CEMIP: variants seen among roughly 807,000 people sequenced by gnomAD.
CEMIP encodes cell migration inducing hyaluronidase 1, also known as cell migration-inducing and hyaluronan-binding protein.
In CEMIP, 105 loss-of-function variants were observed where a neutral mutation model predicts 156.9. The observed-to-expected ratio is 0.67, with a 90% CI of 0.57 to 0.79. The LOEUF is 0.79. Among genes scored for constraint, CEMIP ranks in the 30% least tolerant of loss-of-function variants. The pLI is 0.00. For synonymous variants in CEMIP, 676 were observed against 668.4 expected (o/e 1.01, Z -0.17); for missense variants, 1,457 against 1,769.4 (o/e 0.82, Z 3.17).
In CEMIP at chr15:80,906,659, C is replaced by G; in HGVS notation, c.1412-4C>G. On this transcript the variant is annotated splice_polypyrimidine_tract_variant and splice_region_variant and intron_variant, in intron 12 of 29. Coordinates refer to ENST00000394685, the MANE Select transcript of CEMIP (RefSeq NM_001293298.2). The surrounding 1 kb of genome is among the most constrained non-coding windows in gnomAD (Gnocchi z 4.3). ...TTGTTTACCGTCCTCCCTTTCTGCC[C>G]TAGGGAAACCAATGTACCTGCACAT... The G allele has an allele frequency of 2.5e-6, 4 of 1,611,900 alleles. No homozygotes were observed. The highest frequency in any genetic ancestry group is 2.7e-5 in the African/African-American group (2 of 75,000).
chr15:80,780,915 G>A (rs2141550257), intron 1 of CEMIP, among the ~76,000 whole-genome samples: 2 of 152,340 alleles, frequency 1.3e-5, no homozygotes, highest in Middle Eastern at 3.4e-3. Context: ...GTCCGCTGGG[G>A]CCCTCGGTAT....
rs1450887814 is a variant in CEMIP, at chr15:80,894,977, G to A, written c.1087-13G>A. 5 of 1,613,480 alleles carry A rather than the reference G, an allele frequency of 3.1e-6. No individual in the cohort carries two copies. The African/African-American group carries it at 5.3e-5, about 17-fold the overall frequency. Reference sequence around the variant, plus strand: ...AAAACGACTTTGCTCTGTAATTTCTGTGTCATTCCCAGGCCACTACAATGG... The same window carrying A: ...AAAACGACTTTGCTCTGTAATTTCTATGTCATTCCCAGGCCACTACAATGG... On this transcript the variant is annotated splice_polypyrimidine_tract_variant and intron_variant, in intron 10 of 29. Coordinates refer to ENST00000394685, the MANE Select transcript of CEMIP (RefSeq NM_001293298.2).
intron 10 of CEMIP, among the ~76,000 whole-genome samples, chr15:80,893,559 T>G (rs1256231597): frequency 6.6e-6 from 1 of 152,180 alleles, no homozygotes; most frequent in African/African-American, 2.4e-5. Flanking sequence ...GGGGAAAACT[T>G]CAGGAGGCCC....
At chr15:80,858,426 A>G (rs1193115817) in intron 1 of CEMIP, among the ~76,000 whole-genome samples, 2 of 152,170 alleles carry the variant, frequency 1.3e-5, no homozygotes, top group Non-Finnish European at 2.9e-5. Flanking sequence ...GAAAGAATTA[A>G]CCTTTGGCTG....
At chr15:80,901,500 G>C (rs1159954334) in intron 12 of CEMIP, among the ~76,000 whole-genome samples, 1 of 151,960 alleles carries the variant, frequency 6.6e-6, no homozygotes, top group African/African-American at 2.4e-5. Flanking sequence ...TCAGGAGTTC[G>C]AGACCAGCCT....
At chr15:80,876,593 G>A (rs768167369) in intron 3 of CEMIP, among the ~76,000 whole-genome samples, 3 of 152,240 alleles carry the variant, frequency 2.0e-5, no homozygotes, top group Admixed American at 2.0e-4. Flanking sequence ...CTAGAGGAGG[G>A]TTGTTATGGG....
At chr15:80,872,813 TAATAA>T (rs970726478) in intron 1 of CEMIP, among the ~76,000 whole-genome samples, 3 of 152,152 alleles carry the variant, frequency 2.0e-5, no homozygotes, top group Admixed American at 6.5e-5. Context: ...GACTCTGTCT[TAATAA>T]AATAAAATAA....
At chr15:80,880,798 G>A in intron 5 of CEMIP, 102 bp from the exon 6 acceptor site, 1 of 907,600 alleles carries the variant, frequency 1.1e-6, no homozygotes, top group East Asian at 2.4e-5. Flanking sequence ...TGGCCGTGGT[G>A]GGGGGTCAGG....
chr15:80,872,906 G>T (rs1476594589), intron 1 of CEMIP, among the ~76,000 whole-genome samples: 1 of 152,166 alleles, frequency 6.6e-6, no homozygotes, highest in Non-Finnish European at 1.5e-5. Flanking sequence ...TCTACACAGG[G>T]TCAGGGCCTA....
intron 1 of CEMIP, among the ~76,000 whole-genome samples, chr15:80,841,247 C>T (rs1897409005): frequency 6.6e-6 from 1 of 152,218 alleles, no homozygotes; most frequent in Admixed American, 6.5e-5. Flanking sequence ...TGCAGGACGA[C>T]CTATACACAT....
At chr15:80,873,731 G>A (rs1898371843) in intron 2 of CEMIP, 35 bp downstream of exon 2, 1 of 677,154 alleles carries the variant, frequency 1.5e-6, no homozygotes, top group Non-Finnish European at 2.6e-6. Flanking sequence ...GGCTGGCTGA[G>A]TGTGCCCATT....
At chr15:80,839,370 A>G (rs1327539809) in intron 1 of CEMIP, among the ~76,000 whole-genome samples, 1 of 150,694 alleles carries the variant, frequency 6.6e-6, no homozygotes, top group Non-Finnish European at 1.5e-5. Flanking sequence ...CTTAAGAATG[A>G]ATGAAAGAGA....
chr15:80,813,220 G>A (rs967722832), intron 1 of CEMIP, among the ~76,000 whole-genome samples: 1 of 152,136 alleles, frequency 6.6e-6, no homozygotes, highest in Non-Finnish European at 1.5e-5. Context: ...TCCTTCAAAA[G>A]GTTGTAGTGA....
intron 19 of CEMIP, among the ~76,000 whole-genome samples, chr15:80,926,444 T>A (rs74438583): frequency 0.046 from 7,031 of 152,086 alleles, 544 homozygotes; most frequent in African/African-American, 0.16. Context: ...CAGAAACCTA[T>A]TAGGAAATAA....
intron 10 of CEMIP, 135 bp downstream of exon 10, chr15:80,889,727 C>A: frequency 9.0e-7 from 1 of 1,105,782 alleles, no homozygotes; most frequent in Non-Finnish European, 1.3e-6. Context: ...CCAAAGAGTA[C>A]CATTCCCACT....
intron 5 of CEMIP, among the ~76,000 whole-genome samples, chr15:80,880,441 G>T (rs1271720563): frequency 2.0e-5 from 3 of 152,168 alleles, no homozygotes; most frequent in African/African-American, 7.2e-5. Context: ...TGTTGTTATT[G>T]TTGTTGTTGT....
chr15:80,930,018 A>G (rs866971020), intron 21 of CEMIP, among the ~76,000 whole-genome samples: 2 of 152,236 alleles, frequency 1.3e-5, no homozygotes, highest in African/African-American at 2.4e-5. Flanking sequence ...AATTCAAGCC[A>G]GAGAGCAAGG....
chr15:80,795,743 G>T (rs1165101516), intron 1 of CEMIP, among the ~76,000 whole-genome samples: 2 of 152,056 alleles, frequency 1.3e-5, no homozygotes, highest in Non-Finnish European at 2.9e-5. Context: ...AGGCCAGCCT[G>T]GGCAACACAG....
intron 1 of CEMIP, among the ~76,000 whole-genome samples, chr15:80,853,104 T>G (rs1371567538): frequency 1.3e-5 from 2 of 152,234 alleles, no homozygotes; most frequent in East Asian, 3.8e-4. Flanking sequence ...GGTAGAAATC[T>G]ATGCAGAAAA....
Sources: allele counts gnomAD v4.1 joint callset (sites outside exome capture counted in the v4.1 genomes callset), GRCh38; gene constraint gnomAD v4.1.1; non-coding constraint Gnocchi (gnomAD v3.1); transcripts MANE v1.5; gene names NCBI Gene and HGNC (gene_info 2026-07-23, HGNC 2026-07-21).